The following ANTXRL variants were observed in gnomAD, a reference collection of about 807,000 sequenced individuals.
The protein encoded by ANTXRL is anthrax toxin receptor-like.
Under a neutral mutation model 75.4 loss-of-function variants are expected in ANTXRL, and 63 were observed. The observed-to-expected ratio is 0.84, with a 90% CI of 0.68 to 1.03. The LOEUF (loss-of-function observed/expected upper bound fraction) is 1.03. Among genes scored for constraint, ANTXRL ranks in the 50% least tolerant of loss-of-function variants. The pLI is 0.00. For synonymous variants in ANTXRL, 335 were observed against 291.3 expected, an observed-to-expected ratio of 1.15 and a Z score of -1.53; for missense variants, 797 against 789.4, an observed-to-expected ratio of 1.01 and a Z score of -0.12.
Position 46,330,098 on chromosome 10 carries a change from C to T in ANTXRL, c.*14C>T, listed in dbSNP as rs1324231996. 2.0e-6 allele frequency: 3 copies of T among 1,490,540 alleles called. No individual in the cohort carries two copies. Among genetic ancestry groups the T allele is most frequent in the African/African-American group, 2.8e-5 (2 of 71,732 alleles). The allele number at this position is 1,490,540 out of a possible 1,614,324, so 92.3% of individuals were successfully genotyped here. A position where few individuals can be genotyped will look rare whatever the true frequency, so the allele number is the denominator to read the frequency against. ...CCCAACTTCTAAGGCACCAAACACC[C>T]AAGATTAACAGGCTTTTGTTGCTGA... On this transcript the variant is annotated 3_prime_UTR_variant, in exon 17 of 17. Coordinates refer to ENST00000620264, the MANE Select transcript of ANTXRL (RefSeq NM_001278688.3).
chr10:46,295,850 A>G (rs1356421498), intron 3 of ANTXRL, among the ~76,000 whole-genome samples, 169 bp from the exon 4 acceptor site: 32 of 152,118 alleles, frequency 2.1e-4, no homozygotes, highest in Non-Finnish European at 4.3e-4. Flanking sequence ...AGGGCTTGAA[A>G]TCTCTGGTCA....
rs1410845109 is a variant in ANTXRL, at chr10:46,313,313, C to A, written c.1407C>A (p.Asp469Glu). The A allele has an allele frequency of 6.5e-7, 1 of 1,535,706 alleles. No homozygotes were observed. Among genetic ancestry groups the A allele is most frequent in the East Asian group, 2.4e-5 (1 of 40,928 alleles). The change falls in exon 16 of 17, where the codon GAC becomes GAA. Residue 469 changes from aspartate (D) to glutamate (E), a missense_variant. Physicochemically the swap from Asp to Glu is conservative, Grantham distance 45. Coordinates refer to ENST00000620264, the MANE Select transcript of ANTXRL (RefSeq NM_001278688.3). ...QVPWMCCQSRDQGRYLSLALA... is the reference protein window; with the variant it reads ...QVPWMCCQSREQGRYLSLALA... Reference sequence around the variant, plus strand: ...CATGGATGTGTTGTCAGAGCAGGGACCAGGTGAGCTAGGGCACAGGGACAC... The same window carrying A: ...CATGGATGTGTTGTCAGAGCAGGGAACAGGTGAGCTAGGGCACAGGGACAC...
intron 9 of ANTXRL, among the ~76,000 whole-genome samples, chr10:46,301,968 C>T (rs1396276747): frequency 6.6e-5 from 10 of 152,178 alleles, no homozygotes; most frequent in Admixed American, 1.3e-4. Context: ...TGCATGTGTC[C>T]CCTGTGGTCT....
chr10:46,313,268 C>T lies in ANTXRL; in HGVS notation c.1362C>T (p.His454=), dbSNP rs1406609183. The part of the protein sequence containing the change: ...GNLDTFCDLS[H]ASCHQVPWMC... Reference sequence around the variant, plus strand: ...TGGATACCTTTTGTGACCTCTCTCACGCAAGCTGCCACCAGGTGCCATGGA... The same window carrying T: ...TGGATACCTTTTGTGACCTCTCTCATGCAAGCTGCCACCAGGTGCCATGGA... Residue 454 remains histidine, a synonymous_variant, in exon 16 of 17, where the codon CAC becomes CAT. Transcript: ENST00000620264. 101 of 1,535,764 alleles carry T rather than the reference C, an allele frequency of 6.6e-5. No individual in the cohort carries two copies. Among genetic ancestry groups the T allele is most frequent in the East Asian group, 2.0e-4 (8 of 40,928 alleles).
rs781810658 is a variant in ANTXRL at position 46,307,496 on chromosome 10, G to C, written c.1044+16G>C. On this transcript the variant is annotated intron_variant, in intron 12 of 16. Transcript: ENST00000620264. ...CACCACATGTGTGAGTACCAGCATG[G>C]GGCTGCAAACATGTATGAGGACTGT... is the stretch of plus-strand genomic sequence containing the variant. The C allele has an allele frequency of 3.3e-6, 5 of 1,533,478 alleles. No individual in the cohort carries two copies. Among genetic ancestry groups the C allele is most frequent in the Non-Finnish European group, 4.4e-6 (5 of 1,144,358 alleles). 95.0% of individuals were successfully genotyped at this position (1,533,478 alleles called of 1,614,324 possible).
chr10:46,325,371 A>G (rs1839165020), intron 16 of ANTXRL, among the ~76,000 whole-genome samples: 1 of 152,138 alleles, frequency 6.6e-6, no homozygotes, highest in Non-Finnish European at 1.5e-5. Context: ...CTTGTGATTT[A>G]AAATAAAAAT....
chr10:46,287,259 G>T lies in ANTXRL; in HGVS notation c.-4G>T, dbSNP rs1590312036. ...TGAGGTGGGGTCACAGGGACAGCCAGATAATGGGGAGCCATGAGTCCCTGG... is the reference window on the plus strand; with the variant it reads ...TGAGGTGGGGTCACAGGGACAGCCATATAATGGGGAGCCATGAGTCCCTGG... On this transcript the variant is annotated 5_prime_UTR_variant, in exon 1 of 17. Coordinates refer to ENST00000620264, the MANE Select transcript of ANTXRL (RefSeq NM_001278688.3). 2.6e-6 allele frequency: 4 copies of T among 1,535,650 alleles called. No individual in the cohort carries two copies. In the East Asian group the frequency reaches 7.3e-5, roughly 28 times the overall value.
chr10:46,297,669 C>T (rs556814618), intron 7 of ANTXRL, among the ~76,000 whole-genome samples, 162 bp from the exon 8 acceptor site: 2 of 152,234 alleles, frequency 1.3e-5, no homozygotes, highest in East Asian at 1.9e-4. Context: ...AAGAGCTCCC[C>T]GCTCCCTAAG....
chr10:46,329,513 C>T lies in ANTXRL; in HGVS notation c.1411-86C>T. 2.7e-6 allele frequency: 4 copies of T among 1,477,284 alleles called. No individual in the cohort carries two copies. In the South Asian group the frequency reaches 5.4e-5, roughly 20 times the overall value. The allele number at this position is 1,477,284 out of a possible 1,614,324, so 91.5% of individuals were successfully genotyped here. ...TGTGGGTCCCGATGGGTCCTGGCCCCATCCCTTTGAGCCAGGCAACCGCAG... is the reference window on the plus strand; with the variant it reads ...TGTGGGTCCCGATGGGTCCTGGCCCTATCCCTTTGAGCCAGGCAACCGCAG... On this transcript the variant is annotated intron_variant, in intron 16 of 16. Transcript: ENST00000620264.
intron 1 of ANTXRL, 49 bp from the exon 2 acceptor site, chr10:46,292,009 A>T: frequency 6.6e-7 from 1 of 1,504,042 alleles, no homozygotes; most frequent in Non-Finnish European, 8.9e-7. Context: ...ACACTTGCCC[A>T]TCGGAGAGAT....
chr10:46,307,079 A>G (rs1367519754), intron 11 of ANTXRL, among the ~76,000 whole-genome samples: 6 of 152,278 alleles, frequency 3.9e-5, no homozygotes, highest in Non-Finnish European at 7.3e-5. Context: ...TCTGTGAGGA[A>G]GGCAGGATGC....
intron 1 of ANTXRL, among the ~76,000 whole-genome samples, chr10:46,290,653 G>T (rs7895458): frequency 2.6e-5 from 4 of 151,966 alleles, no homozygotes; most frequent in Non-Finnish European, 5.9e-5. Flanking sequence ...ATCTCCTTGA[G>T]GCTTTCATTG....
Position 46,329,745 on chromosome 10 carries a change from G to C in ANTXRL, c.1557G>C (p.Glu519Asp), listed in dbSNP as rs1554967175. ...GGATGTGCCTGAGACACAGCCGGGAGTGCCTCGCCCTCAAACAGGCTCGCT... is the reference window on the plus strand; with the variant it reads ...GGATGTGCCTGAGACACAGCCGGGACTGCCTCGCCCTCAAACAGGCTCGCT... ...SPRMCLRHSR[E>D]CLALKQARCS... is the part of the protein sequence containing the mutation. Residue 519 changes from glutamate (E) to aspartate (D), a missense_variant, in exon 17 of 17, where the codon GAG becomes GAC. Glu to Asp is a conservative substitution (Grantham distance 45, BLOSUM62 2). Transcript: ENST00000620264. The C allele has an allele frequency of 2.0e-6, 3 of 1,534,986 alleles. No individual in the cohort carries two copies. Among genetic ancestry groups the C allele is most frequent in the Non-Finnish European group, 2.6e-6 (3 of 1,146,676 alleles).
chr10:46,318,725 C>T (rs1232795210), intron 16 of ANTXRL, among the ~76,000 whole-genome samples: 2 of 152,098 alleles, frequency 1.3e-5, no homozygotes, highest in African/African-American at 4.8e-5. Context: ...TGCAGGTGAG[C>T]TCAAGTGCAC....
chr10:46,295,927 G>C, intron 3 of ANTXRL, 92 bp from the exon 4 acceptor site: 1 of 1,026,732 alleles, frequency 9.7e-7, no homozygotes, highest in African/African-American at 1.6e-5. Flanking sequence ...AGGAGGACTG[G>C]CGCAAAGAAC....
chr10:46,327,449 G>A (rs1320085476), intron 16 of ANTXRL, among the ~76,000 whole-genome samples: 8 of 152,054 alleles, frequency 5.3e-5, no homozygotes, highest in Admixed American at 4.6e-4. Context: ...GAGCCCAATC[G>A]GGCATGAAGG....
At chr10:46,290,685 A>G (rs1836947272) in intron 1 of ANTXRL, among the ~76,000 whole-genome samples, 1 of 152,146 alleles carries the variant, frequency 6.6e-6, no homozygotes, top group African/African-American at 2.4e-5. Context: ...GTGACTAGTG[A>G]TGTGGAGCAT....
intron 3 of ANTXRL, chr10:46,294,176 C>G (rs12761764): frequency 0.47 from 217,403 of 466,592 alleles, 49,583 homozygotes; most frequent in Non-Finnish European, 0.52. Flanking sequence ...TGCCTCCTTC[C>G]CTGAAAGGTG....
rs1554959396 is a variant in ANTXRL at position 46,297,901 on chromosome 10, C to T, written c.725C>T (p.Thr242Ile). Residue 242 changes from threonine to isoleucine, a missense_variant, in exon 8 of 17, where the codon ACC (threonine) becomes ATC (isoleucine). Thr to Ile is a moderately conservative substitution (Grantham distance 89, BLOSUM62 -1). Coordinates refer to ENST00000620264, the MANE Select transcript of ANTXRL (RefSeq NM_001278688.3). ...AATGGCTTCAAGGCCCTGAGAAGCA[C>T]CATTGATGCCGTGAGTGGGCAGAGG... ...VENGFKALRSTIDALTSKVCL... is the reference protein window; with the variant it reads ...VENGFKALRSIIDALTSKVCL... The T allele has an allele frequency of 6.5e-7, 1 of 1,535,862 alleles. No homozygotes were observed. The highest frequency in any genetic ancestry group is 2.4e-5 in the East Asian group (1 of 40,916).
Sources: gnomAD v4.1 joint callset for allele counts (sites outside exome capture counted in the v4.1 genomes callset) on GRCh38, gnomAD v4.1.1 for gene constraint, MANE v1.5 for transcripts, NCBI Gene and HGNC (gene_info 2026-07-23, HGNC 2026-07-21) for gene names.